P4HA1: variants seen among roughly 807,000 people sequenced by gnomAD.
The protein encoded by P4HA1 is prolyl 4-hydroxylase subunit alpha-1.
P4HA1 carries 24 observed loss-of-function variants against 72.8 expected under a neutral mutation model. That is an observed-to-expected ratio of 0.33 (90% CI 0.24 to 0.46). The LOEUF (loss-of-function observed/expected upper bound fraction) is 0.46. Ranked by LOEUF, P4HA1 falls within the 20% of genes least tolerant of loss-of-function variation. P4HA1 has a pLI of 1.00. For synonymous variants in P4HA1, 201 were observed against 218.8 expected (o/e 0.92, Z 0.72); for missense variants, 446 against 640.6 (o/e 0.70, Z 3.28).
chr10:73,030,189 A>C, intron 10 of P4HA1, 82 bp downstream of exon 10: 1 of 570,040 alleles, frequency 1.8e-6, no homozygotes, highest in Non-Finnish European at 3.0e-6. Flanking sequence ...CAAATTGAGG[A>C]CTGCCTGTTC....
At chr10:73,042,136 A>C (rs1350811865) in intron 9 of P4HA1, among the ~76,000 whole-genome samples, 1 of 152,054 alleles carries the variant, frequency 6.6e-6, no homozygotes, top group Non-Finnish European at 1.5e-5. Flanking sequence ...TTCTCTTGTT[A>C]ATCTGTCTTT....
intron 1 of P4HA1, among the ~76,000 whole-genome samples, chr10:73,089,004 G>A (rs534417349): frequency 6.6e-6 from 1 of 152,110 alleles, no homozygotes; most frequent in Admixed American, 6.5e-5. Flanking sequence ...TTTTAGAATC[G>A]GCTCATTAAT....
chr10:73,072,024 C>T lies in P4HA1; in HGVS notation c.325+5G>A. 1 of 1,600,958 alleles carries T rather than the reference C, an allele frequency of 6.2e-7. No individual in the cohort carries two copies. The highest frequency in any genetic ancestry group is 8.5e-7 in the Non-Finnish European group (1 of 1,169,980). On this transcript the variant is annotated splice_donor_5th_base_variant and intron_variant, in intron 4 of 14. Coordinates refer to ENST00000394890, the MANE Select transcript of P4HA1 (RefSeq NM_001017962.3). ...TACCTTACTCAGGAATCTCTTCAGA[C>T]TTACCATCTGACATATCCTTAAGGA...
At chr10:73,092,823 A>G (rs1227032513) in intron 1 of P4HA1, among the ~76,000 whole-genome samples, 1 of 152,098 alleles carries the variant, frequency 6.6e-6, no homozygotes, top group Non-Finnish European at 1.5e-5. Flanking sequence ...CAAGTGTCCA[A>G]CAAGAGAGTA....
chr10:73,022,353 A>T (rs1422686090), intron 10 of P4HA1, among the ~76,000 whole-genome samples: 1 of 152,176 alleles, frequency 6.6e-6, no homozygotes, highest in Non-Finnish European at 1.5e-5. Flanking sequence ...ACCCAGGCAA[A>T]CAGCGTCTGG....
At chr10:73,043,604 T>C (rs1840786430) in intron 9 of P4HA1, among the ~76,000 whole-genome samples, 1 of 152,180 alleles carries the variant, frequency 6.6e-6, no homozygotes, top group Non-Finnish European at 1.5e-5. Flanking sequence ...ATGAAGGGAA[T>C]TTGGGAACTT....
At chr10:73,046,392 A>G (rs987008399) in intron 8 of P4HA1, among the ~76,000 whole-genome samples, 1 of 152,218 alleles carries the variant, frequency 6.6e-6, no homozygotes, top group Non-Finnish European at 1.5e-5. Context: ...CTAAGCTTAT[A>G]GATTGGGTTT....
At chr10:73,048,051 C>CA (rs1030280699) in intron 7 of P4HA1, among the ~76,000 whole-genome samples, 1 of 151,458 alleles carries the variant, frequency 6.6e-6, no homozygotes, top group Non-Finnish European at 1.5e-5. Flanking sequence ...GAAGCTGTCT[C>CA]AAAAAAACAA....
In P4HA1 at chr10:73,053,440, A is replaced by G. The variant is rs979158950; in HGVS notation, c.614T>C (p.Val205Ala). ...ATAGCTCAAATAATCTAGAACAGAG[A>G]CTTTATCTATGGTAGAAATCTCGCC... is the stretch of plus-strand genomic sequence containing the variant. ...DEGEISTIDK[V>A]SVLDYLSYAV... is the part of the protein sequence containing the mutation. The change falls in exon 6 of 15, where the codon GTC becomes GCC. Residue 205 changes from valine (V) to alanine (A), a missense_variant. By Grantham distance (64) the Val-to-Ala change is moderately conservative. Transcript: ENST00000394890. The G allele has an allele frequency of 6.2e-7, 1 of 1,614,006 alleles. No homozygotes were observed. Among genetic ancestry groups the G allele is most frequent in the African/African-American group, 1.3e-5 (1 of 74,928 alleles).
At chr10:73,034,578 G>A (rs1247463612) in intron 9 of P4HA1, among the ~76,000 whole-genome samples, 1 of 149,120 alleles carries the variant, frequency 6.7e-6, no homozygotes, top group Non-Finnish European at 1.5e-5. Context: ...CTTAACATGT[G>A]TGTGTGGTTT....
At chr10:73,061,497 C>G (rs1841313915) in intron 5 of P4HA1, among the ~76,000 whole-genome samples, 1 of 151,790 alleles carries the variant, frequency 6.6e-6, no homozygotes, top group African/African-American at 2.4e-5. Context: ...AACTGTAAAA[C>G]AACAACTTTG....
intron 7 of P4HA1, 96 bp from the exon 8 acceptor site, chr10:73,047,197 T>C (rs1246912527): frequency 2.3e-6 from 2 of 878,708 alleles, no homozygotes; most frequent in Non-Finnish European, 1.8e-6. Context: ...CATGCTTGCA[T>C]ATACAGAGTA....
chr10:73,014,142 C>G (rs1251422727), intron 12 of P4HA1, 82 bp downstream of exon 12: 6 of 940,346 alleles, frequency 6.4e-6, no homozygotes, highest in Non-Finnish European at 1.0e-5. Context: ...TGAATCAGAG[C>G]TACACAGAAC....
chr10:73,095,861 G>C (rs1277010625), intron 1 of P4HA1, among the ~76,000 whole-genome samples: 1 of 152,174 alleles, frequency 6.6e-6, no homozygotes, highest in African/African-American at 2.4e-5. Context: ...GATTATTTAG[G>C]AGAAAGAGTC....
chr10:73,065,088 GT>G (rs1240986368), intron 5 of P4HA1: 1 of 152,148 alleles, frequency 6.6e-6, no homozygotes, highest in Non-Finnish European at 1.5e-5. Flanking sequence ...AGAATCTACT[GT>G]TTGCTATAGT....
Position 73,016,932 on chromosome 10 carries a change from A to G in P4HA1, c.1249-33T>C, listed in dbSNP as rs774586140. ...AAAGACACAAAGCATGAAAGAAAAGAACTATAAAGATTACTATTCAAAAAA... is the reference window on the plus strand; with the variant it reads ...AAAGACACAAAGCATGAAAGAAAAGGACTATAAAGATTACTATTCAAAAAA... On this transcript the variant is annotated intron_variant, in intron 10 of 14. Coordinates refer to ENST00000394890, the MANE Select transcript of P4HA1 (RefSeq NM_001017962.3). 3.2e-6 allele frequency: 5 copies of G among 1,561,052 alleles called. No individual in the cohort carries two copies. The South Asian group carries it at 4.6e-5, about 14-fold the overall frequency.
At position 73,024,253 on chromosome 10, in the gene P4HA1, C is replaced by T. The variant is rs983499536; in HGVS notation, c.1248+6018G>A. Among the ~76,000 whole-genome samples, 5 of 152,268 alleles carry T rather than the reference C, an allele frequency of 3.3e-5. 1 individual carries two copies. The highest frequency in any genetic ancestry group is 3.3e-4 in the Admixed American group (5 of 15,294). On this transcript the variant is annotated intron_variant, in intron 10 of 14. Coordinates refer to ENST00000394890, the MANE Select transcript of P4HA1 (RefSeq NM_001017962.3). Reference sequence around the variant, plus strand: ...CCACATAATTGGAAGTAAAGCACTCCTCAGCAAATGTAAAAGAACAGAAAT... The same window carrying T: ...CCACATAATTGGAAGTAAAGCACTCTTCAGCAAATGTAAAAGAACAGAAAT...
intron 8 of P4HA1, among the ~76,000 whole-genome samples, chr10:73,045,438 A>G (rs758164248): frequency 6.6e-6 from 1 of 152,160 alleles, no homozygotes; most frequent in Non-Finnish European, 1.5e-5. Context: ...ATTTGCAATT[A>G]ATGATCCATT....
intron 1 of P4HA1, among the ~76,000 whole-genome samples, chr10:73,077,120 C>T (rs555127288): frequency 1.8e-4 from 27 of 152,372 alleles, no homozygotes; most frequent in African/African-American, 6.5e-4. Flanking sequence ...TAGACACTTC[C>T]TCTCCTGGGC....
Sources: gnomAD v4.1 joint callset for allele counts (sites outside exome capture counted in the v4.1 genomes callset) on GRCh38, gnomAD v4.1.1 for gene constraint, MANE v1.5 for transcripts, NCBI Gene and HGNC (gene_info 2026-07-23, HGNC 2026-07-21) for gene names.